Variants in DNAH7 observed in about 807,000 individuals in gnomAD.
The protein encoded by DNAH7 is dynein axonemal heavy chain 7, also known as axonemal beta dynein heavy chain 7.
DNAH7 carries 397 observed loss-of-function variants against 444.6 expected under a neutral mutation model. That is an observed-to-expected ratio of 0.89 (90% CI 0.82 to 0.97). The LOEUF is 0.97. Among genes scored for constraint, DNAH7 ranks in the 50% least tolerant of loss-of-function variants. DNAH7 has a pLI of 0.00. For synonymous variants in DNAH7, 1,636 were observed against 1,624.4 expected, an observed-to-expected ratio of 1.01 and a Z score of -0.17; for missense variants, 4,902 against 4,800.8, an observed-to-expected ratio of 1.02 and a Z score of -0.62.
chr2:195,787,709 C>CT (rs1182442729), intron 57 of DNAH7, among the ~76,000 whole-genome samples: 7 of 152,188 alleles, frequency 4.6e-5, no homozygotes, highest in Admixed American at 3.3e-4. Flanking sequence ...GGTCTACCCT[C>CT]TAAGTTCGAG....
chr2:195,784,040 T>A (rs1423782553), intron 58 of DNAH7, among the ~76,000 whole-genome samples: 1 of 152,102 alleles, frequency 6.6e-6, no homozygotes, highest in Non-Finnish European at 1.5e-5. Context: ...AGTATCAACA[T>A]CCATGACCAA....
rs1360272997 is a variant in DNAH7, at chr2:195,796,624, A to G, written c.10467T>C (p.Asn3489=). The G allele has an allele frequency of 6.2e-7, 1 of 1,614,160 alleles. No homozygotes were observed. ...VKEGTWVVLQ[N]CHLATSWMPT... ...GCATCCAAGAGGTGGCAAGGTGACA[A>G]TTCTGAAGAACAACCCATGTTCCTT... is the stretch of plus-strand genomic sequence containing the variant. Residue 3489 remains asparagine, a synonymous_variant, in exon 56 of 65, where the codon AAT becomes AAC. Transcript: ENST00000312428.
chr2:195,821,866 G>C (rs1272884590), intron 49 of DNAH7, among the ~76,000 whole-genome samples: 1 of 152,158 alleles, frequency 6.6e-6, no homozygotes, highest in Non-Finnish European at 1.5e-5. Flanking sequence ...TGCAGGGACA[G>C]AGTAATTTTA....
In DNAH7 at chr2:196,028,022, C is replaced by G. The variant is rs74317435; in HGVS notation, c.424G>C (p.Ala142Pro). The change falls in exon 6 of 65, where the codon GCT becomes CCT. Residue 142 changes from alanine (A) to proline (P), a missense_variant. Ala to Pro is a conservative substitution (Grantham distance 27, BLOSUM62 -1). Transcript: ENST00000312428. The part of the protein sequence containing the change: ...IMQQDADLDS[A>P]VPDGSTIPKP... ...GGAATTGTGCTTCCATCAGGGACAG[C>G]TGAGTCTAAGTCAGCATCTTGTTGC... The G allele has an allele frequency of 3.7e-6, 6 of 1,609,686 alleles. No homozygotes were observed. Among genetic ancestry groups the G allele is most frequent in the African/African-American group, 1.3e-5 (1 of 74,688 alleles).
chr2:195,780,183 A>G (rs988637852), intron 58 of DNAH7, among the ~76,000 whole-genome samples: 2 of 152,162 alleles, frequency 1.3e-5, no homozygotes, highest in Non-Finnish European at 2.9e-5. Context: ...TAGGAAAATA[A>G]TTGATAATAA....
chr2:196,040,271 G>A (rs1192430645), intron 5 of DNAH7, among the ~76,000 whole-genome samples: 1 of 151,848 alleles, frequency 6.6e-6, no homozygotes, highest in Non-Finnish European at 1.5e-5. Flanking sequence ...ACAACAAAAG[G>A]AGAAAACTAC....
intron 40 of DNAH7, among the ~76,000 whole-genome samples, chr2:195,868,554 C>T (rs1482068608): frequency 6.7e-6 from 1 of 149,688 alleles, no homozygotes; most frequent in Non-Finnish European, 1.5e-5. Flanking sequence ...CATTATTAGT[C>T]TTTTATTGTT....
intron 2 of DNAH7, among the ~76,000 whole-genome samples, chr2:196,053,868 G>A (rs1254610683): frequency 6.6e-6 from 1 of 152,144 alleles, no homozygotes; most frequent in African/African-American, 2.4e-5. Context: ...AGAGGGACAG[G>A]CAGTTAAGAG....
intron 58 of DNAH7, among the ~76,000 whole-genome samples, chr2:195,780,770 CA>C (rs1385943460): frequency 1.3e-5 from 2 of 151,668 alleles, no homozygotes; most frequent in African/African-American, 2.4e-5. Flanking sequence ...ATATATATCT[CA>C]AAAAATATAT....
chr2:195,890,756 C>G (rs1412237974), intron 31 of DNAH7, among the ~76,000 whole-genome samples: 1 of 152,102 alleles, frequency 6.6e-6, no homozygotes, highest in Non-Finnish European at 1.5e-5. Context: ...TGCCTAAGGT[C>G]TTTCCAGCAA....
At chr2:195,875,628 C>T in intron 38 of DNAH7, 47 bp downstream of exon 38, 1 of 1,512,428 alleles carries the variant, frequency 6.6e-7, no homozygotes, top group South Asian at 1.3e-5. Flanking sequence ...TTAGCTATTG[C>T]TAGGGAGATT....
At chr2:195,976,884 G>A (rs555198742) in intron 15 of DNAH7, among the ~76,000 whole-genome samples, 6 of 151,864 alleles carry the variant, frequency 4.0e-5, no homozygotes, top group African/African-American at 1.4e-4. Flanking sequence ...GACCACCAAG[G>A]CAGTACCTCT....
intron 48 of DNAH7, among the ~76,000 whole-genome samples, chr2:195,825,420 A>C (rs1697692014): frequency 6.6e-6 from 1 of 152,214 alleles, no homozygotes; most frequent in Admixed American, 6.5e-5. Flanking sequence ...TTGACTTAAC[A>C]GCATAAATGT....
chr2:195,919,611 C>T (rs1025783271), intron 24 of DNAH7, among the ~76,000 whole-genome samples: 15 of 152,284 alleles, frequency 9.9e-5, no homozygotes, highest in Admixed American at 2.6e-4. Context: ...TCCCAAAGTG[C>T]TGGGATCACA....
At chr2:195,947,307 A>G (rs973906185) in intron 19 of DNAH7, among the ~76,000 whole-genome samples, 1 of 151,802 alleles carries the variant, frequency 6.6e-6, no homozygotes, top group Non-Finnish European at 1.5e-5. Context: ...TTAAATTATG[A>G]TTATACTTTA....
intron 57 of DNAH7, among the ~76,000 whole-genome samples, chr2:195,788,565 G>T (rs1168772867): frequency 6.6e-6 from 1 of 152,128 alleles, no homozygotes; most frequent in Non-Finnish European, 1.5e-5. Flanking sequence ...AACTTTGAAA[G>T]GTAGAGTGGG....
At chr2:195,819,299 CCT>C (rs1697357728) in intron 49 of DNAH7, among the ~76,000 whole-genome samples, 1 of 152,168 alleles carries the variant, frequency 6.6e-6, no homozygotes, top group South Asian at 2.1e-4. Flanking sequence ...GGCATATATA[CCT>C]CTCTCCCAGA....
intron 40 of DNAH7, 58 bp downstream of exon 40, chr2:195,872,192 T>C (rs1476160210): frequency 6.0e-6 from 8 of 1,324,466 alleles, no homozygotes; most frequent in Non-Finnish European, 7.5e-6. Context: ...TACCCAGTTG[T>C]TGGCATGGCA....
intron 21 of DNAH7, among the ~76,000 whole-genome samples, chr2:195,931,375 C>T (rs1688684570): frequency 6.6e-6 from 1 of 151,850 alleles, no homozygotes; most frequent in East Asian, 1.9e-4. Flanking sequence ...TGTAGGTTGC[C>T]TGTTCACTCT....
Sources: allele counts gnomAD v4.1 joint callset (sites outside exome capture counted in the v4.1 genomes callset), GRCh38; gene constraint gnomAD v4.1.1; transcripts MANE v1.5; gene names NCBI Gene and HGNC (gene_info 2026-07-23, HGNC 2026-07-21).